TBC1D13: variants seen among roughly 807,000 people sequenced by gnomAD.
The protein encoded by TBC1D13 is TBC1 domain family member 13.
Under a neutral mutation model 53.6 loss-of-function variants are expected in TBC1D13, and 40 were observed. The observed-to-expected ratio is 0.75, with a 90% confidence interval of 0.58 to 0.97. TBC1D13 has a LOEUF of 0.97. Among genes scored for constraint, TBC1D13 ranks in the 50% least tolerant of loss-of-function variants. The pLI is 0.00. For missense variants in TBC1D13, 377 were observed against 499.4 expected, an observed-to-expected ratio of 0.75 and a Z score of 2.34; for synonymous variants, 182 against 197.7, an observed-to-expected ratio of 0.92 and a Z score of 0.67.
chr9:128,788,307 C>G (rs765135619), intron 1 of TBC1D13, 27 bp from the exon 2 acceptor site: 24 of 1,610,838 alleles, frequency 1.5e-5, no homozygotes, highest in Non-Finnish European at 2.0e-5. Context: ...CAGCATGCTT[C>G]ATTTGCCGCC....
At chr9:128,789,750 G>C (rs1829494199) in intron 2 of TBC1D13, 1 of 148,516 alleles carries the variant, frequency 6.7e-6, no homozygotes, top group African/African-American at 2.5e-5. Flanking sequence ...TCCTTCTGGG[G>C]CTTACCCAGT....
chr9:128,795,789 C>T (rs1472478827), intron 6 of TBC1D13, among the ~76,000 whole-genome samples: 2 of 151,582 alleles, frequency 1.3e-5, no homozygotes, highest in African/African-American at 4.8e-5. Flanking sequence ...GATGGGGTCT[C>T]CTTTTGTTGC....
At chr9:128,798,311 T>G (rs2132542335) in intron 7 of TBC1D13, among the ~76,000 whole-genome samples, 1 of 151,354 alleles carries the variant, frequency 6.6e-6, no homozygotes, top group Middle Eastern at 3.5e-3. Flanking sequence ...GCCGAAGTCC[T>G]CAGCGGGAGA....
chr9:128,795,152 C>T (rs1219515164), intron 6 of TBC1D13, among the ~76,000 whole-genome samples: 1 of 151,120 alleles, frequency 6.6e-6, no homozygotes, highest in Non-Finnish European at 1.5e-5. Context: ...AACTCCCAGG[C>T]TCAAGTGATC....
At chr9:128,805,809 C>T (rs748106290) in intron 9 of TBC1D13, 50 bp from the exon 10 acceptor site, 23 of 1,584,318 alleles carry the variant, frequency 1.5e-5, no homozygotes, top group Admixed American at 1.2e-4. Context: ...GCTCCATGGC[C>T]GGCAGCCAAC....
Position 128,788,317 on chromosome 9 carries a change from C to T in TBC1D13, c.24-17C>T. The T allele has an allele frequency of 6.2e-7, 1 of 1,613,590 alleles. No homozygotes were observed. Among genetic ancestry groups the T allele is most frequent in the Admixed American group, 1.7e-5 (1 of 60,000 alleles). On this transcript the variant is annotated splice_polypyrimidine_tract_variant and intron_variant, in intron 1 of 11. Coordinates refer to ENST00000372648, the MANE Select transcript of TBC1D13 (RefSeq NM_018201.5). The stretch of plus-strand genomic sequence containing the variant: ...GATATCAGCATGCTTCATTTGCCGC[C>T]CTATCTCCCCTTCCAGAATTGCAGA...
Position 128,804,580 on chromosome 9 carries a change from G to C in TBC1D13, c.918+461G>C, listed in dbSNP as rs139339710. Among the ~76,000 whole-genome samples, 8 of 151,076 alleles carry C rather than the reference G, an allele frequency of 5.3e-5. No individual in the cohort carries two copies. The East Asian group carries it at 1.4e-3, about 26-fold the overall frequency. On this transcript the variant is annotated intron_variant, in intron 9 of 11. Coordinates refer to ENST00000372648, the MANE Select transcript of TBC1D13 (RefSeq NM_018201.5). The stretch of plus-strand genomic sequence containing the variant: ...CGCCACTGTGCCCGGCTAATTTTTT[G>C]TATTTTTAGTAGAGATGGAGTTTCA...
At chr9:128,805,426 T>C (rs1193671322) in intron 9 of TBC1D13, among the ~76,000 whole-genome samples, 1 of 152,234 alleles carries the variant, frequency 6.6e-6, no homozygotes, top group African/African-American at 2.4e-5. Flanking sequence ...CTACTGGGAA[T>C]AATTGCCTGT....
chr9:128,788,476 C>A, intron 2 of TBC1D13, 69 bp downstream of exon 2: 1 of 1,418,646 alleles, frequency 7.0e-7, no homozygotes, highest in Non-Finnish European at 9.9e-7. Context: ...AGGGGGAGGC[C>A]ACACCTGGTC....
At chr9:128,807,012 A>G (rs1228976677) in intron 11 of TBC1D13, among the ~76,000 whole-genome samples, 1 of 151,668 alleles carries the variant, frequency 6.6e-6, no homozygotes, top group African/African-American at 2.4e-5. Flanking sequence ...TGTGCTCATC[A>G]TGTGACCCAA....
intron 5 of TBC1D13, among the ~76,000 whole-genome samples, 197 bp from the exon 6 acceptor site, chr9:128,792,295 G>A (rs1255382793): frequency 6.6e-6 from 1 of 152,220 alleles, no homozygotes; most frequent in Non-Finnish European, 1.5e-5. Context: ...GCTCCCGGCT[G>A]TGGAGTTTGA....
chr9:128,804,498 C>T (rs1457219098), intron 9 of TBC1D13, among the ~76,000 whole-genome samples: 2 of 151,600 alleles, frequency 1.3e-5, no homozygotes, highest in African/African-American at 4.8e-5. Context: ...GCTCCACCTC[C>T]CAGGTTCATG....
At chr9:128,807,740 C>T in intron 11 of TBC1D13, 74 bp from the exon 12 acceptor site, 4 of 1,513,724 alleles carry the variant, frequency 2.6e-6, no homozygotes, top group Non-Finnish European at 3.7e-6. Context: ...GCAACGGGTC[C>T]CAGCAGGGAG....
Position 128,807,820 on chromosome 9 carries a change from C to G in TBC1D13, c.1144C>G (p.Pro382Ala), listed in dbSNP as rs183467784. 5.6e-6 allele frequency: 9 copies of G among 1,614,144 alleles called. No homozygotes were observed. In the Admixed American group the frequency reaches 1.5e-4, roughly 27 times the overall value. Residue 382 changes from proline to alanine, a missense_variant, in exon 12 of 12, where the codon CCC becomes GCC. Physicochemically the swap from Pro to Ala is conservative, Grantham distance 27. Transcript: ENST00000372648. The part of the protein sequence containing the change: ...TVNMRLLQDY[P>A]ITDVCQILQK... ...GGCCTTTTCCTGTGCCCAGGACTAC[C>G]CCATCACAGATGTCTGCCAGATCCT...
intron 5 of TBC1D13, 59 bp from the exon 6 acceptor site, chr9:128,792,433 G>T: frequency 6.6e-7 from 1 of 1,513,410 alleles, no homozygotes; most frequent in Non-Finnish European, 9.2e-7. Flanking sequence ...TTCCGGGATA[G>T]AATCGGGCCC....
intron 9 of TBC1D13, 67 bp from the exon 10 acceptor site, chr9:128,805,792 G>C: frequency 6.5e-7 from 1 of 1,545,588 alleles, no homozygotes; most frequent in Non-Finnish European, 8.8e-7. Flanking sequence ...CTGACCCACT[G>C]CGTGGTGCTC....
intron 2 of TBC1D13, 143 bp downstream of exon 2, chr9:128,788,550 G>A: frequency 2.9e-6 from 2 of 691,104 alleles, no homozygotes; most frequent in Non-Finnish European, 4.9e-6. Flanking sequence ...GACTCTTGGG[G>A]CCTTTTCCAG....
intron 2 of TBC1D13, chr9:128,789,807 A>ATGTATG (rs1554794474): frequency 4.2e-4 from 3 of 7,120 alleles, no homozygotes; most frequent in African/African-American, 8.6e-4. Flanking sequence ...ATATATATAT[A>ATGTATG]TATATAATAA....
At chr9:128,802,464 T>C (rs375504047) in intron 7 of TBC1D13, among the ~76,000 whole-genome samples, 18 of 152,332 alleles carry the variant, frequency 1.2e-4, no homozygotes, top group Admixed American at 4.6e-4. Flanking sequence ...TCAGTCAAGA[T>C]ACAGAACATG....
Sources: gnomAD v4.1 joint callset for allele counts (sites outside exome capture counted in the v4.1 genomes callset) on GRCh38, gnomAD v4.1.1 for gene constraint, MANE v1.5 for transcripts, NCBI Gene and HGNC (gene_info 2026-07-23, HGNC 2026-07-21) for gene names.